Variants in SMIM14 observed in about 807,000 individuals in gnomAD.
SMIM14 encodes small integral membrane protein 14.
SMIM14 carries 5 observed loss-of-function variants against 12.6 expected under a neutral mutation model. The ratio of observed to expected loss-of-function variants is 0.40; its 90% CI spans 0.21 to 0.83. The LOEUF is 0.83. Ranked by LOEUF, SMIM14 falls within the 40% of genes least tolerant of loss-of-function variation. The probability of loss-of-function intolerance (pLI) is 0.37; values close to 1 mark genes in which losing one functional copy is unlikely to be tolerated. For synonymous variants in SMIM14, 30 were observed against 40.1 expected, an observed-to-expected ratio of 0.75 and a Z score of 0.95; for missense variants, 86 against 119.1, an observed-to-expected ratio of 0.72 and a Z score of 1.29.
chr4:39,552,205 C>CA (rs752553980), intron 4 of SMIM14, 47 bp from the exon 5 acceptor site: 2 of 1,468,740 alleles, frequency 1.4e-6, no homozygotes, highest in African/African-American at 1.4e-5. Flanking sequence ...TTTAAAAATT[C>CA]AAAAAAATTT....
chr4:39,610,573 T>C (rs973516511), intron 1 of SMIM14, among the ~76,000 whole-genome samples: 1 of 151,826 alleles, frequency 6.6e-6, no homozygotes. Context: ...CGTGTACCTG[T>C]AGTTCTAACT....
At chr4:39,636,362 C>T (rs1222529817) in intron 1 of SMIM14, among the ~76,000 whole-genome samples, 4 of 152,094 alleles carry the variant, frequency 2.6e-5, no homozygotes, top group African/African-American at 4.8e-5. Flanking sequence ...TATCCTCAGG[C>T]TGTGCTTTCT....
At chr4:39,611,102 G>A (rs931766502) in intron 1 of SMIM14, among the ~76,000 whole-genome samples, 2 of 152,156 alleles carry the variant, frequency 1.3e-5, no homozygotes, top group African/African-American at 4.8e-5. Flanking sequence ...TGGCAACCTA[G>A]AAGAAAAGTG....
intron 1 of SMIM14, among the ~76,000 whole-genome samples, chr4:39,628,720 C>CTTTTTTTT (rs541461723): frequency 1.3e-4 from 17 of 135,278 alleles, no homozygotes; most frequent in East Asian, 4.4e-4. Flanking sequence ...AAATGTTTTT[C>CTTTTTTTT]TTTTTTTTTT....
rs377182858 is a variant in SMIM14, at chr4:39,595,796, G to A, written c.75+9275C>T. On this transcript the variant is annotated intron_variant, in intron 2 of 4. Coordinates refer to ENST00000295958, the MANE Select transcript of SMIM14 (RefSeq NM_174921.3). ...GCTAATTTTTTTTATTTTCGGTAGA[G>A]AAGGGGTTTTACCATGTTGCCCAGG... 9.2e-5 allele frequency among the ~76,000 whole-genome samples: 14 copies of A among 151,850 alleles called. No homozygotes were observed. The East Asian group carries it at 2.5e-3, about 28-fold the overall frequency.
chr4:39,614,325 C>CTT (rs879697540), intron 1 of SMIM14, among the ~76,000 whole-genome samples: 2 of 144,966 alleles, frequency 1.4e-5, no homozygotes, highest in African/African-American at 2.5e-5. Context: ...TCCTATGCTA[C>CTT]TTTTTTTTTT....
intron 3 of SMIM14, among the ~76,000 whole-genome samples, chr4:39,560,646 A>C (rs1712262509): frequency 1.3e-5 from 2 of 151,832 alleles, no homozygotes; most frequent in Admixed American, 6.6e-5. Flanking sequence ...CCCCGTCTCA[A>C]ACAAAACAAA....
intron 3 of SMIM14, among the ~76,000 whole-genome samples, chr4:39,567,178 C>G (rs1269300420): frequency 7.1e-6 from 1 of 141,836 alleles, no homozygotes; most frequent in African/African-American, 2.7e-5. Flanking sequence ...AAGGAAGCCG[C>G]AATGTGACAA....
rs529736179 is a variant in SMIM14 at position 39,572,914 on chromosome 4, G to A, written c.76-451C>T. Among the ~76,000 whole-genome samples the A allele has an allele frequency of 6.6e-5, 10 of 152,048 alleles. No individual in the cohort carries two copies. In the South Asian group the frequency reaches 2.1e-3, roughly 32 times the overall value. ...TGCAGGGGTGCAATCCTAGCTCACTGCAGCTTCAAACTCCTGGGCTCAAAT... is the reference window on the plus strand; with the variant it reads ...TGCAGGGGTGCAATCCTAGCTCACTACAGCTTCAAACTCCTGGGCTCAAAT... On this transcript the variant is annotated intron_variant, in intron 2 of 4. Transcript: ENST00000295958.
chr4:39,565,337 C>A (rs572519933), intron 3 of SMIM14, among the ~76,000 whole-genome samples: 4 of 152,054 alleles, frequency 2.6e-5, no homozygotes, highest in Admixed American at 2.0e-4. Flanking sequence ...GAGGGCTTTT[C>A]TTTTTTTTGG....
intron 1 of SMIM14, among the ~76,000 whole-genome samples, chr4:39,616,250 C>T (rs531588907): frequency 6.6e-6 from 1 of 152,292 alleles, no homozygotes; most frequent in East Asian, 1.9e-4. Flanking sequence ...ATTCTCCTGC[C>T]TCAGCCTCCC....
At chr4:39,635,875 T>C (rs991288525) in intron 1 of SMIM14, among the ~76,000 whole-genome samples, 2 of 151,962 alleles carry the variant, frequency 1.3e-5, no homozygotes, top group African/African-American at 4.8e-5. Flanking sequence ...ACTCAATGCA[T>C]ATTAAGTGTG....
intron 2 of SMIM14, among the ~76,000 whole-genome samples, chr4:39,580,123 T>C (rs1713423564): frequency 6.6e-6 from 1 of 152,270 alleles, no homozygotes; most frequent in East Asian, 1.9e-4. Context: ...GAGCTGCCAA[T>C]GAACTGACAA....
At chr4:39,574,237 C>CTTTTTTTTT (rs11338888) in intron 2 of SMIM14, among the ~76,000 whole-genome samples, 61 of 126,846 alleles carry the variant, frequency 4.8e-4, no homozygotes, top group East Asian at 6.9e-4. Context: ...CTGCAACTTT[C>CTTTTTTTTT]TTTTTTTTTT....
rs899397854 is a variant in SMIM14 at position 39,556,527 on chromosome 4, G to T, written c.168C>A (p.Ile56=). 3.7e-6 allele frequency: 6 copies of T among 1,613,798 alleles called. No individual in the cohort carries two copies. The African/African-American group carries it at 4.0e-5, about 11-fold the overall frequency. ...ATGCAATAACCATCCAGGCTACCAA[G>T]ATCATTGTAACACTGATGCCATTAT... ...SGDNGISVTM[I]LVAWMVIALI... is the part of the protein sequence containing the mutation. Residue 56 remains isoleucine, a synonymous_variant, in exon 4 of 5, where the codon ATC becomes ATA. Transcript: ENST00000295958.
rs1387986866 is a variant in SMIM14, at chr4:39,546,353, T to C, written c.*5773A>G. On this transcript the variant is annotated 3_prime_UTR_variant, in exon 5 of 5. Transcript: ENST00000295958. ...TATAAAAATTTGTTGAAGTGTTTAT[T>C]GAACGAACATAATACATTTGTCTGA... is the stretch of plus-strand genomic sequence containing the variant. 1 of 152,226 alleles carries C rather than the reference T, an allele frequency of 6.6e-6. No individual in the cohort carries two copies. Among genetic ancestry groups the C allele is most frequent in the Admixed American group, 6.5e-5 (1 of 15,274 alleles). The allele number at this position is 152,226 out of a possible 1,614,324, so 9.4% of individuals were successfully genotyped here.
intron 1 of SMIM14, among the ~76,000 whole-genome samples, chr4:39,629,271 G>C (rs777988042): frequency 2.7e-5 from 4 of 146,302 alleles, no homozygotes; most frequent in Non-Finnish European, 5.9e-5. Flanking sequence ...TGAGGCAGGA[G>C]AATCGCTTGA....
At chr4:39,623,563 T>C (rs551442162) in intron 1 of SMIM14, among the ~76,000 whole-genome samples, 1 of 152,170 alleles carries the variant, frequency 6.6e-6, no homozygotes. Flanking sequence ...CATAATTCTT[T>C]CCATGTTAAA....
intron 3 of SMIM14, among the ~76,000 whole-genome samples, chr4:39,560,237 GTTCTT>G (rs1333022688): frequency 6.7e-6 from 1 of 149,160 alleles, no homozygotes; most frequent in Non-Finnish European, 1.5e-5. Context: ...TATATCAACA[GTTCTT>G]TTCTTTTCTT....
Sources: gnomAD v4.1 joint callset for allele counts (sites outside exome capture counted in the v4.1 genomes callset) on GRCh38, gnomAD v4.1.1 for gene constraint, MANE v1.5 for transcripts, NCBI Gene and HGNC (gene_info 2026-07-23, HGNC 2026-07-21) for gene names.